The following MPHOSPH9 variants were observed in gnomAD, a reference collection of about 807,000 sequenced individuals.
The protein encoded by MPHOSPH9 is M-phase phosphoprotein 9.
A neutral mutation model predicts 145.5 loss-of-function variants in MPHOSPH9; 88 were observed. The ratio of observed to expected loss-of-function variants is 0.60; its 90% CI spans 0.51 to 0.72. The LOEUF is 0.72. Ranked by LOEUF, MPHOSPH9 falls within the 30% of genes least tolerant of loss-of-function variation. The pLI is 0.00. For missense variants in MPHOSPH9, 1,238 were observed against 1,386.6 expected (o/e 0.89, Z 1.70); for synonymous variants, 435 against 486.2 (o/e 0.89, Z 1.39).
In MPHOSPH9 at chr12:123,194,296, G is replaced by A. The variant is rs1205055413; in HGVS notation, c.2241+90C>T. On this transcript the variant is annotated intron_variant, in intron 13 of 23. Coordinates refer to ENST00000606320, the MANE Select transcript of MPHOSPH9 (RefSeq NM_022782.4). Reference sequence around the variant, plus strand: ...AATAAATCAATAAATAATAAAATAAGCCTAGAAAGTCATAATCACTTGTAA... The same window carrying A: ...AATAAATCAATAAATAATAAAATAAACCTAGAAAGTCATAATCACTTGTAA... 5.1e-6 allele frequency: 4 copies of A among 786,300 alleles called. No homozygotes were observed. The African/African-American group carries it at 5.3e-5, about 10-fold the overall frequency. The allele number at this position is 786,300 out of a possible 1,614,324, so 48.7% of individuals were successfully genotyped here. A position where few individuals can be genotyped will look rare whatever the true frequency, so the allele number is the denominator to read the frequency against.
chr12:123,208,783 A>G (rs569946883), intron 8 of MPHOSPH9, among the ~76,000 whole-genome samples: 1 of 151,936 alleles, frequency 6.6e-6, no homozygotes, highest in South Asian at 2.1e-4. Flanking sequence ...ACTCTGTCAC[A>G]CAGGCTAGAG....
At chr12:123,219,825 G>A (rs1317462596) in intron 5 of MPHOSPH9, among the ~76,000 whole-genome samples, 2 of 152,142 alleles carry the variant, frequency 1.3e-5, no homozygotes, top group Non-Finnish European at 2.9e-5. Context: ...TTCAGTCACA[G>A]TTTAATAAAA....
chr12:123,172,552 C>T (rs1487734004), intron 16 of MPHOSPH9, among the ~76,000 whole-genome samples: 2 of 152,262 alleles, frequency 1.3e-5, no homozygotes, highest in South Asian at 2.1e-4. Context: ...AGGCTGGTCT[C>T]GAACTCCTGA....
chr12:123,213,392 T>G (rs2046828801), intron 7 of MPHOSPH9, among the ~76,000 whole-genome samples: 1 of 151,924 alleles, frequency 6.6e-6, no homozygotes, highest in Non-Finnish European at 1.5e-5. Context: ...CAGGCTGGAG[T>G]GCAGTGGTGT....
chr12:123,172,871 C>CTTTTTTTTTTTTT (rs1161727056), intron 16 of MPHOSPH9, among the ~76,000 whole-genome samples: 1 of 57,964 alleles, frequency 1.7e-5, no homozygotes, highest in Non-Finnish European at 3.2e-5. Flanking sequence ...TTTTCATTCA[C>CTTTTTTTTTTTTT]TTTTTTTTTT....
At chr12:123,209,503 T>A (rs937959444) in intron 8 of MPHOSPH9, among the ~76,000 whole-genome samples, 3 of 151,912 alleles carry the variant, frequency 2.0e-5, no homozygotes, top group Non-Finnish European at 2.9e-5. Flanking sequence ...ACCTCCCAGG[T>A]TCAAGTGATT....
chr12:123,166,684 A>T lies in MPHOSPH9; in HGVS notation c.2562T>A (p.Asp854Glu). The change falls in exon 17 of 24, where the codon GAT (aspartate) becomes GAA (glutamate). Residue 854 changes from aspartate (D) to glutamate (E), a missense_variant. By Grantham distance (45) the Asp-to-Glu change is conservative. Transcript: ENST00000606320. ...GGCTACAGGTTTCCTCCAGCTGGTT[A>T]TCCACGTTACTGTCCTGGGTGTCCA... The part of the protein sequence containing the change: ...QPLDTQDSNV[D>E]NQLEETCSLG... 6.2e-7 allele frequency: 1 copy of T among 1,613,832 alleles called. No homozygotes were observed. Among genetic ancestry groups the T allele is most frequent in the South Asian group, 1.1e-5 (1 of 91,008 alleles).
In MPHOSPH9 at chr12:123,202,946, G is replaced by A; in HGVS notation, c.1459C>T (p.Pro487Ser). The change falls in exon 10 of 24, where the codon CCC becomes TCC. Residue 487 changes from proline to serine, a missense_variant. Physicochemically the swap from Pro to Ser is moderately conservative, Grantham distance 74. Transcript: ENST00000606320. ...TGTGAAAATGAGTCTATGTCAGAGG[G>A]ACTAGACATACTAGGCTCTAGAACA... Reference protein sequence around the residue: ...DSVLEPSMSSPSDIDSFSQAS... With the variant: ...DSVLEPSMSSSSDIDSFSQAS... 2 of 1,614,076 alleles carry A rather than the reference G, an allele frequency of 1.2e-6. No individual in the cohort carries two copies. Among genetic ancestry groups the A allele is most frequent in the African/African-American group, 2.7e-5 (2 of 75,028 alleles).
chr12:123,218,636 G>C (rs1040192733), intron 5 of MPHOSPH9, 137 bp from the exon 6 acceptor site: 2 of 745,520 alleles, frequency 2.7e-6, no homozygotes, highest in Non-Finnish European at 4.3e-6. Flanking sequence ...AGCAATTCTC[G>C]TGCCTCAGTC....
At chr12:123,224,775 C>T (rs1427048317) in intron 3 of MPHOSPH9, among the ~76,000 whole-genome samples, 3 of 152,142 alleles carry the variant, frequency 2.0e-5, no homozygotes, top group African/African-American at 4.8e-5. Context: ...TTCATAACAT[C>T]AAAACAAACT....
intron 4 of MPHOSPH9, 28 bp from the exon 5 acceptor site, chr12:123,221,923 TAAGA>T: frequency 1.6e-6 from 2 of 1,222,816 alleles, no homozygotes; most frequent in Non-Finnish European, 2.2e-6. Flanking sequence ...TAGATTTGGG[TAAGA>T]AAGTATATTA....
intron 13 of MPHOSPH9, among the ~76,000 whole-genome samples, chr12:123,183,841 G>A (rs1331966399): frequency 6.6e-6 from 1 of 152,120 alleles, no homozygotes; most frequent in Non-Finnish European, 1.5e-5. Context: ...AATGAATGGG[G>A]AGAAAAATGG....
At chr12:123,185,795 G>T (rs2045416434) in intron 13 of MPHOSPH9, among the ~76,000 whole-genome samples, 1 of 151,870 alleles carries the variant, frequency 6.6e-6, no homozygotes, top group African/African-American at 2.4e-5. Flanking sequence ...TTGGATTCTG[G>T]ATTAAAAAGC....
chr12:123,206,536 A>T lies in MPHOSPH9; in HGVS notation c.1195-3161T>A, dbSNP rs2695477. 4.8e-4 allele frequency among the ~76,000 whole-genome samples: 16 copies of T among 33,510 alleles called. No homozygotes were observed. The East Asian group carries it at 9.8e-3, about 20-fold the overall frequency. 22.0% of individuals were successfully genotyped at this position (33,510 alleles called of 152,430 possible). ...GGAGAAGAGAAGAGAAGAGATGAGAAGAGAAGAGTATAACACTCTGAGAAG... is the reference window on the plus strand; with the variant it reads ...GGAGAAGAGAAGAGAAGAGATGAGATGAGAAGAGTATAACACTCTGAGAAG... On this transcript the variant is annotated intron_variant, in intron 8 of 23. Coordinates refer to ENST00000606320, the MANE Select transcript of MPHOSPH9 (RefSeq NM_022782.4).
intron 16 of MPHOSPH9, among the ~76,000 whole-genome samples, chr12:123,172,870 A>ATTT (rs1235046875): frequency 9.2e-5 from 3 of 32,730 alleles, no homozygotes; most frequent in Non-Finnish European, 2.8e-4. Context: ...GTTTTCATTC[A>ATTT]CTTTTTTTTT....
intron 6 of MPHOSPH9, among the ~76,000 whole-genome samples, chr12:123,215,305 T>C (rs1283056184): frequency 6.6e-6 from 1 of 151,446 alleles, no homozygotes; most frequent in Non-Finnish European, 1.5e-5. Context: ...AGGAATTCAC[T>C]GTTGCAGATT....
intron 1 of MPHOSPH9, among the ~76,000 whole-genome samples, chr12:123,242,051 T>G (rs551211865): frequency 6.6e-6 from 1 of 152,338 alleles, no homozygotes; most frequent in African/African-American, 2.4e-5. Flanking sequence ...ACAGACTCTT[T>G]AGGCTCTCTG....
chr12:123,238,029 G>T (rs762922604), upstream of MPHOSPH9, among the ~76,000 whole-genome samples: 1 of 151,814 alleles, frequency 6.6e-6, no homozygotes, highest in Middle Eastern at 3.4e-3. Flanking sequence ...CCGAGTAGCC[G>T]GGACTACAGG....
At chr12:123,153,467 G>C (rs945001206), downstream of MPHOSPH9, 2 of 152,116 alleles carry the variant, frequency 1.3e-5, no homozygotes, top group African/African-American at 4.8e-5. Context: ...TTTTATTTCA[G>C]AAAGTATGCT....
Sources: gnomAD v4.1 joint callset for allele counts (sites outside exome capture counted in the v4.1 genomes callset) on GRCh38, gnomAD v4.1.1 for gene constraint, MANE v1.5 for transcripts, NCBI Gene and HGNC (gene_info 2026-07-23, HGNC 2026-07-21) for gene names.